The following BFSP2 variants were observed in gnomAD, a reference collection of about 807,000 sequenced individuals.
BFSP2 encodes beaded filament structural protein 2.
BFSP2 carries 38 observed loss-of-function variants against 44.9 expected under a neutral mutation model. The observed-to-expected ratio is 0.85, with a 90% CI of 0.65 to 1.11. The LOEUF (loss-of-function observed/expected upper bound fraction) is 1.11. Ranked by LOEUF, BFSP2 falls within the 50% of genes least tolerant of loss-of-function variation. BFSP2 has a pLI of 0.00. For missense variants in BFSP2, 525 were observed against 533.0 expected (o/e 0.99, Z 0.15); for synonymous variants, 197 against 209.9 (o/e 0.94, Z 0.53).
chr3:133,449,359 T>G (rs111534611), intron 3 of BFSP2: 17 of 152,620 alleles, frequency 1.1e-4, no homozygotes, highest in African/African-American at 4.1e-4. Context: ...GTCTCTTTCA[T>G]CCTTGTCTGG....
At chr3:133,407,663 T>C (rs1449715524) in intron 1 of BFSP2, among the ~76,000 whole-genome samples, 1 of 152,162 alleles carries the variant, frequency 6.6e-6, no homozygotes, top group Non-Finnish European at 1.5e-5. Flanking sequence ...TAAAATAGTT[T>C]AGCGTTGGCA....
In BFSP2 at chr3:133,475,208, A is replaced by T; in HGVS notation, c.*236A>T. Reference sequence around the variant, plus strand: ...AATAAATGCTTTGTGCGCAGCGTCCAGTTTGCCCACCTTGTTCAACTCACT... The same window carrying T: ...AATAAATGCTTTGTGCGCAGCGTCCTGTTTGCCCACCTTGTTCAACTCACT... On this transcript the variant is annotated 3_prime_UTR_variant, in exon 7 of 7. Transcript: ENST00000302334. 3.2e-6 allele frequency: 2 copies of T among 619,626 alleles called. No homozygotes were observed. Among genetic ancestry groups the T allele is most frequent in the Non-Finnish European group, 5.7e-6 (2 of 352,658 alleles). The allele number at this position is 619,626 out of a possible 1,614,324, so 38.4% of individuals were successfully genotyped here.
At chr3:133,472,296 G>T in intron 5 of BFSP2, 49 bp from the exon 6 acceptor site, 1 of 1,564,522 alleles carries the variant, frequency 6.4e-7, no homozygotes, top group South Asian at 1.2e-5. Context: ...CCCTCTTCAA[G>T]GGCCCGGCCT....
chr3:133,415,867 ACCCTCG>A (rs1451762056), intron 1 of BFSP2, among the ~76,000 whole-genome samples: 1 of 59,352 alleles, frequency 1.7e-5, no homozygotes, highest in African/African-American at 7.1e-5. Flanking sequence ...CCCTCTACTC[ACCCTCG>A]CCCTCTTCTC....
Position 133,400,286 on chromosome 3 carries a change from G to T in BFSP2, c.203G>T (p.Gly68Val). ...ACAGCACCCAGTGGGTGCATAGGTG[G>T]CTTGGGTGCCCGTGTGACCCGCCGG... The part of the protein sequence containing the change: ...VGTAPSGCIG[G>V]LGARVTRRAL... The change falls in exon 1 of 7, where the codon GGC becomes GTC. Residue 68 changes from glycine to valine, a missense_variant. Transcript: ENST00000302334. The surrounding 1 kb of genome is among the most constrained non-coding windows in gnomAD (Gnocchi z 4.0). 6.2e-7 allele frequency: 1 copy of T among 1,614,058 alleles called. No homozygotes were observed. Among genetic ancestry groups the T allele is most frequent in the Non-Finnish European group, 8.5e-7 (1 of 1,180,024 alleles).
At chr3:133,463,708 C>A (rs764155871) in intron 4 of BFSP2, among the ~76,000 whole-genome samples, 2 of 152,192 alleles carry the variant, frequency 1.3e-5, no homozygotes, top group African/African-American at 4.8e-5. Context: ...TTGCTGATCA[C>A]CAGTTTCAGG....
chr3:133,402,276 G>A (rs2073368537), intron 1 of BFSP2, among the ~76,000 whole-genome samples: 2 of 152,156 alleles, frequency 1.3e-5, no homozygotes, highest in Non-Finnish European at 1.5e-5. Flanking sequence ...GACTTGTTCT[G>A]GCTCCAGATA....
At position 133,412,329 on chromosome 3, in the gene BFSP2, G is replaced by A. The variant is rs180927536; in HGVS notation, c.489+11757G>A. 4 of 152,362 alleles carry A rather than the reference G, an allele frequency of 2.6e-5. No homozygotes were observed. The East Asian group carries it at 7.7e-4, about 29-fold the overall frequency. The allele number at this position is 152,362 out of a possible 1,614,324, so 9.4% of individuals were successfully genotyped here. A position where few individuals can be genotyped will look rare whatever the true frequency, so the allele number is the denominator to read the frequency against. ...ATCGGGTTGGTGCAGGAATGTAAAT[G>A]AAATGATGTGTGTAAATCGCCTGGC... On this transcript the variant is annotated intron_variant, in intron 1 of 6. Coordinates refer to ENST00000302334, the MANE Select transcript of BFSP2 (RefSeq NM_003571.4).
chr3:133,445,580 A>G (rs1353903323), intron 1 of BFSP2: 1 of 152,212 alleles, frequency 6.6e-6, no homozygotes, highest in East Asian at 1.9e-4. Flanking sequence ...AACCAACTGT[A>G]GATCAAAATA....
At chr3:133,438,151 A>G (rs2073809116) in intron 1 of BFSP2, among the ~76,000 whole-genome samples, 1 of 152,220 alleles carries the variant, frequency 6.6e-6, no homozygotes, top group African/African-American at 2.4e-5. Context: ...TTAAATATTC[A>G]TTTGTCAGCT....
chr3:133,465,195 C>T (rs775251165), intron 4 of BFSP2, among the ~76,000 whole-genome samples: 2 of 151,804 alleles, frequency 1.3e-5, no homozygotes, highest in African/African-American at 2.4e-5. Context: ...TTAGTAGAGA[C>T]GGGTTTTCAC....
At chr3:133,429,986 A>G (rs1370177340) in intron 1 of BFSP2, among the ~76,000 whole-genome samples, 2 of 150,172 alleles carry the variant, frequency 1.3e-5, no homozygotes, top group Admixed American at 6.6e-5. Context: ...ATTCCCACCT[A>G]TGAGTGAGAA....
intron 1 of BFSP2, among the ~76,000 whole-genome samples, chr3:133,435,529 G>A (rs184558618): frequency 6.0e-4 from 91 of 152,314 alleles, no homozygotes; most frequent in Non-Finnish European, 7.3e-5. Context: ...GGTCTCACAT[G>A]TTTAAAATTT....
chr3:133,456,251 T>C (rs777044228), intron 4 of BFSP2, among the ~76,000 whole-genome samples: 1 of 152,222 alleles, frequency 6.6e-6, no homozygotes, highest in Non-Finnish European at 1.5e-5. Flanking sequence ...TCATGTCACA[T>C]GTCAGGATGA....
At chr3:133,458,114 TGA>T (rs2074029889) in intron 4 of BFSP2, among the ~76,000 whole-genome samples, 1 of 152,236 alleles carries the variant, frequency 6.6e-6, no homozygotes, top group South Asian at 2.1e-4. Flanking sequence ...CAGAAATATT[TGA>T]GAGTGTCCAT....
intron 1 of BFSP2, among the ~76,000 whole-genome samples, chr3:133,411,211 C>T (rs1202470635): frequency 6.8e-6 from 1 of 147,010 alleles, no homozygotes; most frequent in Non-Finnish European, 1.5e-5. Flanking sequence ...TAATTAATCA[C>T]CTTTGGAGCC....
chr3:133,438,875 G>T (rs969789819), intron 1 of BFSP2, among the ~76,000 whole-genome samples: 1 of 152,098 alleles, frequency 6.6e-6, no homozygotes, highest in Non-Finnish European at 1.5e-5. Flanking sequence ...CATTATTCTA[G>T]ACTCTTTCTA....
intron 1 of BFSP2, chr3:133,410,509 A>G (rs991498020): frequency 2.2e-5 from 6 of 276,784 alleles, no homozygotes; most frequent in Non-Finnish European, 4.5e-5. Context: ...AATGATCAGC[A>G]TAGCAAGGAA....
At chr3:133,469,781 C>T (rs1456730629) in intron 5 of BFSP2, among the ~76,000 whole-genome samples, 2 of 152,196 alleles carry the variant, frequency 1.3e-5, no homozygotes, top group Non-Finnish European at 2.9e-5. Flanking sequence ...AAGCTGGATT[C>T]GGACTTTAAG....
Sources: allele counts gnomAD v4.1 joint callset (sites outside exome capture counted in the v4.1 genomes callset), GRCh38; gene constraint gnomAD v4.1.1; non-coding constraint Gnocchi (gnomAD v3.1); transcripts MANE v1.5; gene names NCBI Gene and HGNC (gene_info 2026-07-23, HGNC 2026-07-21).